Variants in STAB2 observed in about 807,000 individuals in gnomAD.
The protein encoded by STAB2 is stabilin 2.
A neutral mutation model predicts 338.1 loss-of-function variants in STAB2; 288 were observed. That is an observed-to-expected ratio of 0.85 (90% CI 0.77 to 0.94). STAB2 has a LOEUF of 0.94. Among genes scored for constraint, STAB2 ranks in the 40% least tolerant of loss-of-function variants. The probability of loss-of-function intolerance (pLI) is 0.00; values close to 1 mark genes in which losing one functional copy is unlikely to be tolerated. For synonymous variants in STAB2, 1,202 were observed against 1,193.3 expected, an observed-to-expected ratio of 1.01 and a Z score of -0.15; for missense variants, 3,141 against 3,210.1, an observed-to-expected ratio of 0.98 and a Z score of 0.52.
At chr12:103,667,459 C>T (rs550281340) in intron 19 of STAB2, among the ~76,000 whole-genome samples, 14 of 152,290 alleles carry the variant, frequency 9.2e-5, no homozygotes, top group Middle Eastern at 3.4e-3. Flanking sequence ...TACAAGGTCA[C>T]ACAGCTGATG....
At chr12:103,758,609 CCT>C (rs1884309396) in intron 64 of STAB2, among the ~76,000 whole-genome samples, 1 of 152,184 alleles carries the variant, frequency 6.6e-6, no homozygotes, top group African/African-American at 2.4e-5. Flanking sequence ...CTTTCTCAAG[CCT>C]CTGTTTGGTC....
Position 103,673,887 on chromosome 12 carries a change from C to CCCT in STAB2, c.2372-9_2372-7dup. ...TTGTCCCCAAGGCCTGGACGGATGT[C>CCCT]CCTCCTCCTCCTCTTTCAGAATGCC... On this transcript the variant is annotated intron_variant, in intron 22 of 68. Transcript: ENST00000388887. The CCCT allele has an allele frequency of 6.2e-7, 1 of 1,602,378 alleles. No homozygotes were observed. Among genetic ancestry groups the CCCT allele is most frequent in the Non-Finnish European group, 8.5e-7 (1 of 1,171,770 alleles).
intron 63 of STAB2, among the ~76,000 whole-genome samples, chr12:103,757,027 AT>A (rs1566082489): frequency 8.4e-5 from 12 of 143,440 alleles, no homozygotes; most frequent in Admixed American, 1.4e-4. Flanking sequence ...ATATATATAT[AT>A]ATAAAATATA....
At chr12:103,628,072 C>A (rs1957407525) in intron 5 of STAB2, among the ~76,000 whole-genome samples, 1 of 152,212 alleles carries the variant, frequency 6.6e-6, no homozygotes, top group Non-Finnish European at 1.5e-5. Flanking sequence ...ACCAACTTGA[C>A]TGCTCTCCAG....
In STAB2 at chr12:103,668,647, T is replaced by C. The variant is rs1372538030; in HGVS notation, c.2090T>C (p.Leu697Pro). 6.4e-7 allele frequency: 1 copy of C among 1,551,748 alleles called. No individual in the cohort carries two copies. ...TCCCTCCTTGGCTTTCTCCAGGCAC[T>C]CTTCACACACAGATGTGTCTACAGT... is the stretch of plus-strand genomic sequence containing the variant. ...RCPANSEPTA[L>P]FTHRCVYSGR... is the part of the protein sequence containing the mutation. Residue 697 changes from leucine (L) to proline (P), a missense_variant, in exon 20 of 69, where the codon CTC (leucine) becomes CCC (proline). By Grantham distance (98) the Leu-to-Pro change is moderately conservative. Transcript: ENST00000388887.
chr12:103,663,026 G>T, intron 18 of STAB2, 28 bp downstream of exon 18: 1 of 1,612,468 alleles, frequency 6.2e-7, no homozygotes, highest in Non-Finnish European at 8.5e-7. Flanking sequence ...ATAAGTAAGG[G>T]CCCCAAACAG....
At chr12:103,739,098 C>G (rs755935265) in intron 53 of STAB2, among the ~76,000 whole-genome samples, 10 of 152,042 alleles carry the variant, frequency 6.6e-5, no homozygotes, top group Non-Finnish European at 1.2e-4. Context: ...AACTCAGCCT[C>G]CAAAGTCGCT....
Position 103,750,663 on chromosome 12 carries a change from T to C in STAB2, c.6523T>C (p.Leu2175=), listed in dbSNP as rs1160931138. 1.2e-6 allele frequency: 2 copies of C among 1,614,232 alleles called. No individual in the cohort carries two copies. The highest frequency in any genetic ancestry group is 1.7e-6 in the Non-Finnish European group (2 of 1,180,040). ...EPEQLPIDRC[L]QDNGQCHADA... ...GGAGCAGCTGCCCATTGACCGCTGC[T>C]TACAGGACAATGGGCAGTGCCATGC... The change falls in exon 60 of 69, where the codon TTA becomes CTA. Residue 2175 remains leucine, a synonymous_variant. Transcript: ENST00000388887.
intron 40 of STAB2, 74 bp downstream of exon 40, chr12:103,711,590 A>G (rs1879866547): frequency 5.2e-6 from 8 of 1,527,262 alleles, no homozygotes; most frequent in Non-Finnish European, 7.2e-6. Flanking sequence ...CCTAGTCTCT[A>G]TCCTCAGGGG....
At chr12:103,700,741 G>C (rs1878788630) in intron 34 of STAB2, among the ~76,000 whole-genome samples, 1 of 152,174 alleles carries the variant, frequency 6.6e-6, no homozygotes. Context: ...ATTTTTCCAT[G>C]TGTGCAGAAA....
intron 65 of STAB2, among the ~76,000 whole-genome samples, chr12:103,760,025 A>C (rs904981606): frequency 6.3e-4 from 96 of 152,328 alleles, no homozygotes; most frequent in African/African-American, 2.2e-3. Flanking sequence ...GGTGGATATG[A>C]GTGGAAGATA....
chr12:103,702,020 ACACC>A (rs1285326380), intron 34 of STAB2, among the ~76,000 whole-genome samples: 39 of 122,674 alleles, frequency 3.2e-4, no homozygotes, highest in African/African-American at 1.1e-3. Context: ...ACACACACAC[ACACC>A]CCACCCCAAT....
At chr12:103,654,962 A>G (rs1874071288) in intron 13 of STAB2, 1 of 550,984 alleles carries the variant, frequency 1.8e-6, no homozygotes, top group African/African-American at 1.9e-5. Flanking sequence ...AACTCAGTCC[A>G]TGACCAATCA....
At chr12:103,754,737 G>A (rs1883964429) in intron 61 of STAB2, among the ~76,000 whole-genome samples, 1 of 152,076 alleles carries the variant, frequency 6.6e-6, no homozygotes, top group Non-Finnish European at 1.5e-5. Flanking sequence ...ATCACTTGAG[G>A]TCAGGAGTTT....
At chr12:103,679,500 G>A (rs1025476146) in intron 25 of STAB2, among the ~76,000 whole-genome samples, 1 of 152,150 alleles carries the variant, frequency 6.6e-6, no homozygotes, top group Admixed American at 6.5e-5. Context: ...GGAGATAGAA[G>A]CACACTACAC....
chr12:103,624,090 G>T (rs1957344582), intron 5 of STAB2, among the ~76,000 whole-genome samples: 1 of 152,164 alleles, frequency 6.6e-6, no homozygotes, highest in Admixed American at 6.6e-5. Flanking sequence ...AATATTTTTG[G>T]CAAGAAAACC....
intron 5 of STAB2, among the ~76,000 whole-genome samples, chr12:103,627,553 C>T (rs1957399390): frequency 6.6e-6 from 1 of 152,230 alleles, no homozygotes; most frequent in African/African-American, 2.4e-5. Context: ...ATCTGGGAAA[C>T]CCTCTGCCAC....
intron 46 of STAB2, 47 bp from the exon 47 acceptor site, chr12:103,727,220 A>AT: frequency 6.2e-7 from 1 of 1,602,638 alleles, no homozygotes; most frequent in South Asian, 1.1e-5. Flanking sequence ...CCCGGCATGT[A>AT]TTGATGTTAA....
intron 21 of STAB2, among the ~76,000 whole-genome samples, chr12:103,670,370 G>A (rs1875645560): frequency 6.6e-6 from 1 of 152,196 alleles, no homozygotes; most frequent in Admixed American, 6.5e-5. Flanking sequence ...CTGAGCAGGT[G>A]AGACTGTAAA....
Sources: allele counts gnomAD v4.1 joint callset (sites outside exome capture counted in the v4.1 genomes callset), GRCh38; gene constraint gnomAD v4.1.1; transcripts MANE v1.5; gene names NCBI Gene and HGNC (gene_info 2026-07-23, HGNC 2026-07-21).